The following CNTNAP5 variants were observed in gnomAD, a reference collection of about 807,000 sequenced individuals.
CNTNAP5 encodes contactin associated protein family member 5.
In CNTNAP5, 72 loss-of-function variants were observed where a neutral mutation model predicts 150.2. That is an observed-to-expected ratio of 0.48 (90% CI 0.40 to 0.58). The LOEUF is 0.58. Ranked by LOEUF, CNTNAP5 falls within the 20% of genes least tolerant of loss-of-function variation. The probability of loss-of-function intolerance (pLI) is 0.00; values close to 1 mark genes in which losing one functional copy is unlikely to be tolerated. For missense variants in CNTNAP5, 1,636 were observed against 1,626.2 expected, an observed-to-expected ratio of 1.01 and a Z score of -0.10; for synonymous variants, 672 against 619.8, an observed-to-expected ratio of 1.08 and a Z score of -1.25.
At chr2:124,773,627 C>A (rs1573607890) in intron 17 of CNTNAP5, among the ~76,000 whole-genome samples, 1 of 152,270 alleles carries the variant, frequency 6.6e-6, no homozygotes, top group Middle Eastern at 3.4e-3. Flanking sequence ...AGGCATCCTT[C>A]TTTAGTCATT....
chr2:124,578,317 C>T (rs530975817), intron 11 of CNTNAP5, among the ~76,000 whole-genome samples: 41 of 139,524 alleles, frequency 2.9e-4, no homozygotes, highest in East Asian at 1.5e-3. Context: ...GGGACAAGAG[C>T]GAGACTTTGT....
chr2:124,754,185 A>G (rs767581637), intron 14 of CNTNAP5, among the ~76,000 whole-genome samples: 2 of 152,172 alleles, frequency 1.3e-5, no homozygotes, highest in Admixed American at 6.6e-5. Flanking sequence ...TAGTATCTTG[A>G]GAAGGGGCCC....
chr2:124,309,343 C>T (rs1688767311), intron 3 of CNTNAP5, among the ~76,000 whole-genome samples: 1 of 152,084 alleles, frequency 6.6e-6, no homozygotes, highest in African/African-American at 2.4e-5. Flanking sequence ...TATTGATTTA[C>T]AGAGCCTGAC....
At chr2:124,637,847 T>C (rs939461348) in intron 12 of CNTNAP5, among the ~76,000 whole-genome samples, 10 of 152,104 alleles carry the variant, frequency 6.6e-5, no homozygotes, top group African/African-American at 2.4e-4. Context: ...TTTACATGTG[T>C]CTATTAATAT....
intron 17 of CNTNAP5, among the ~76,000 whole-genome samples, chr2:124,775,471 G>A (rs549696103): frequency 1.2e-4 from 19 of 152,222 alleles, no homozygotes; most frequent in Non-Finnish European, 2.2e-4. Flanking sequence ...ATCTTTGGCC[G>A]CTGAAGGATC....
rs567231359 is a variant in CNTNAP5, at chr2:124,806,745, G to A, written c.3217+8425G>A. ...GCCTTGGTTCTTCATCTGTAAATGT[G>A]GGATAATCTTGTTGGTCAAGGGTCT... On this transcript the variant is annotated intron_variant, in intron 19 of 23. Transcript: ENST00000682447. Among the ~76,000 whole-genome samples the A allele has an allele frequency of 5.1e-4, 78 of 152,286 alleles. 1 individual carries two copies. The highest frequency in any genetic ancestry group is 1.0e-3 in the Non-Finnish European group (71 of 68,028).
intron 1 of CNTNAP5, among the ~76,000 whole-genome samples, chr2:124,173,090 C>T (rs934310170): frequency 7.9e-5 from 12 of 152,052 alleles, no homozygotes; most frequent in African/African-American, 2.9e-4. Flanking sequence ...TTATCCTTTT[C>T]CTTGTTTCAG....
intron 12 of CNTNAP5, among the ~76,000 whole-genome samples, chr2:124,643,154 T>C (rs1573517538): frequency 6.6e-6 from 1 of 152,206 alleles, no homozygotes; most frequent in Non-Finnish European, 1.5e-5. Context: ...CTATTTCCTT[T>C]CCCAGCTAAT....
intron 19 of CNTNAP5, among the ~76,000 whole-genome samples, chr2:124,815,681 C>T (rs997316435): frequency 6.6e-6 from 1 of 152,032 alleles, no homozygotes; most frequent in Non-Finnish European, 1.5e-5. Context: ...CTGAAAATAG[C>T]GTCATGAAAA....
intron 1 of CNTNAP5, among the ~76,000 whole-genome samples, chr2:124,063,857 A>G (rs539877705): frequency 6.8e-4 from 103 of 152,284 alleles, no homozygotes; most frequent in Admixed American, 3.7e-3. Flanking sequence ...GCAGCATAGT[A>G]TGTCCATTCT....
intron 1 of CNTNAP5, among the ~76,000 whole-genome samples, chr2:124,035,910 C>CTTTTTTTTTT (rs759598012): frequency 5.2e-5 from 4 of 76,528 alleles, no homozygotes; most frequent in South Asian, 6.8e-4. Flanking sequence ...AGGATGAACT[C>CTTTTTTTTTT]TTTTTTTTTT....
At chr2:124,251,767 T>TC (rs1287198516) in intron 3 of CNTNAP5, among the ~76,000 whole-genome samples, 1 of 152,138 alleles carries the variant, frequency 6.6e-6, no homozygotes, top group Non-Finnish European at 1.5e-5. Flanking sequence ...ATGATTTTTT[T>TC]CTCCCAGAAA....
chr2:124,631,792 A>G (rs1677866226), intron 12 of CNTNAP5, among the ~76,000 whole-genome samples: 1 of 152,236 alleles, frequency 6.6e-6, no homozygotes, highest in Non-Finnish European at 1.5e-5. Flanking sequence ...GACAACCTAC[A>G]GAATGGGAGA....
chr2:124,045,854 A>G (rs930939711), intron 1 of CNTNAP5, among the ~76,000 whole-genome samples: 3 of 152,182 alleles, frequency 2.0e-5, no homozygotes, highest in Non-Finnish European at 2.9e-5. Context: ...GAGTCTTGCT[A>G]TGGGTGCCAC....
intron 11 of CNTNAP5, among the ~76,000 whole-genome samples, chr2:124,571,813 G>A (rs1281328077): frequency 1.3e-5 from 2 of 151,398 alleles, no homozygotes; most frequent in African/African-American, 2.4e-5. Flanking sequence ...ATTACAGGCC[G>A]AATACTCTTT....
chr2:124,082,804 G>A (rs1275502256), intron 1 of CNTNAP5, among the ~76,000 whole-genome samples: 1 of 152,074 alleles, frequency 6.6e-6, no homozygotes, highest in Non-Finnish European at 1.5e-5. Flanking sequence ...GAGAGCATTT[G>A]GTGTTGTCAC....
At chr2:124,209,154 G>A (rs1685940516) in intron 1 of CNTNAP5, among the ~76,000 whole-genome samples, 1 of 152,046 alleles carries the variant, frequency 6.6e-6, no homozygotes, top group African/African-American at 2.4e-5. Context: ...TCACTCATCA[G>A]ACTTCAAGGC....
intron 13 of CNTNAP5, among the ~76,000 whole-genome samples, chr2:124,725,597 T>C (rs1680139904): frequency 6.6e-6 from 1 of 151,074 alleles, no homozygotes; most frequent in African/African-American, 2.5e-5. Flanking sequence ...ATTTACTCTT[T>C]TGGCACATTT....
intron 3 of CNTNAP5, among the ~76,000 whole-genome samples, chr2:124,357,141 T>G (rs914558752): frequency 6.6e-6 from 1 of 152,102 alleles, no homozygotes; most frequent in African/African-American, 2.4e-5. Flanking sequence ...TCGCCCACTT[T>G]TTGATGGGGT....
Sources: gnomAD v4.1 joint callset for allele counts (sites outside exome capture counted in the v4.1 genomes callset) on GRCh38, gnomAD v4.1.1 for gene constraint, MANE v1.5 for transcripts, NCBI Gene and HGNC (gene_info 2026-07-23, HGNC 2026-07-21) for gene names.